The following EMCN variants were observed in gnomAD, a reference collection of about 807,000 sequenced individuals.
The protein encoded by EMCN is endomucin.
Under a neutral mutation model 38.4 loss-of-function variants are expected in EMCN, and 37 were observed. The observed-to-expected ratio is 0.96, with a 90% CI of 0.74 to 1.27. EMCN has a LOEUF of 1.27. Among genes scored for constraint, EMCN ranks in the 50% most tolerant of loss-of-function variants. EMCN has a pLI of 0.00. For synonymous variants in EMCN, 95 were observed against 100.8 expected (o/e 0.94, Z 0.35); for missense variants, 318 against 302.8 (o/e 1.05, Z -0.37).
At chr4:100,454,941 G>A (rs1727968402) in intron 4 of EMCN, among the ~76,000 whole-genome samples, 1 of 151,922 alleles carries the variant, frequency 6.6e-6, no homozygotes, top group Non-Finnish European at 1.5e-5. Context: ...CTTAAAGTAG[G>A]TTTTCTGAAT....
At chr4:100,415,766 C>T in intron 10 of EMCN, 132 bp downstream of exon 10, 2 of 596,792 alleles carry the variant, frequency 3.4e-6, no homozygotes, top group Non-Finnish European at 5.9e-6. Flanking sequence ...GAATTTTACA[C>T]TTATTGACAG....
In EMCN at chr4:100,397,410, A is replaced by G. The variant is rs1344755481; in HGVS notation, c.*1003T>C. ...TTTTAGAACAGTGATACAATGAAAA[A>G]TAATATCATAATTATGTATTTATAA... On this transcript the variant is annotated 3_prime_UTR_variant, in exon 12 of 12. Transcript: ENST00000296420. The G allele has an allele frequency of 2.0e-5, 3 of 152,216 alleles. No individual in the cohort carries two copies. The highest frequency in any genetic ancestry group is 4.4e-5 in the Non-Finnish European group (3 of 68,038). The allele number at this position is 152,216 out of a possible 1,614,324, so 9.4% of individuals were successfully genotyped here.
chr4:100,516,921 A>G (rs993666619), intron 1 of EMCN, among the ~76,000 whole-genome samples: 1 of 151,882 alleles, frequency 6.6e-6, no homozygotes, highest in Non-Finnish European at 1.5e-5. Flanking sequence ...CTTTTATGGT[A>G]GTTTGTTCTT....
At chr4:100,482,147 T>C (rs1728825245) in intron 1 of EMCN, among the ~76,000 whole-genome samples, 1 of 152,180 alleles carries the variant, frequency 6.6e-6, no homozygotes, top group Non-Finnish European at 1.5e-5. Flanking sequence ...GTGTTTTTCA[T>C]ACTGCAGGTT....
chr4:100,470,879 A>T (rs1166289514), intron 3 of EMCN, among the ~76,000 whole-genome samples: 1 of 151,962 alleles, frequency 6.6e-6, no homozygotes, highest in African/African-American at 2.4e-5. Flanking sequence ...AATCATAAAA[A>T]ATATTAGAAA....
At chr4:100,489,932 A>G (rs1457101347) in intron 1 of EMCN, among the ~76,000 whole-genome samples, 1 of 152,206 alleles carries the variant, frequency 6.6e-6, no homozygotes, top group Non-Finnish European at 1.5e-5. Flanking sequence ...TTTAGAGTGT[A>G]CATCTATTTA....
intron 1 of EMCN, chr4:100,486,809 G>A: frequency 1.0e-6 from 1 of 966,232 alleles, no homozygotes; most frequent in Non-Finnish European, 1.2e-6. Flanking sequence ...AACCTGAGAT[G>A]TCCTGGCTGA....
chr4:100,507,927 T>C (rs984651212), intron 1 of EMCN, among the ~76,000 whole-genome samples: 2 of 152,150 alleles, frequency 1.3e-5, no homozygotes, highest in African/African-American at 2.4e-5. Context: ...AGAATTGGCC[T>C]TTTACATGCA....
chr4:100,503,662 T>C (rs935660223), intron 1 of EMCN, among the ~76,000 whole-genome samples: 1 of 152,144 alleles, frequency 6.6e-6, no homozygotes, highest in Non-Finnish European at 1.5e-5. Flanking sequence ...CATTGCAGCC[T>C]TGACCTCCTG....
At chr4:100,441,780 C>T (rs1727525169) in intron 5 of EMCN, among the ~76,000 whole-genome samples, 1 of 152,000 alleles carries the variant, frequency 6.6e-6, no homozygotes, top group Non-Finnish European at 1.5e-5. Context: ...ATACATTTAC[C>T]TTTCCCCTCA....
intron 11 of EMCN, among the ~76,000 whole-genome samples, chr4:100,400,744 T>C (rs1726236081): frequency 6.6e-6 from 1 of 152,186 alleles, no homozygotes; most frequent in African/African-American, 2.4e-5. Flanking sequence ...CTGTTTCAAT[T>C]ATTTTCTCAA....
chr4:100,449,162 T>G (rs1274275152), intron 4 of EMCN, among the ~76,000 whole-genome samples: 2 of 152,070 alleles, frequency 1.3e-5, no homozygotes, highest in Non-Finnish European at 2.9e-5. Flanking sequence ...TATAAAAAAC[T>G]AATTCTACCT....
At chr4:100,399,605 C>T (rs529894735) in intron 11 of EMCN, among the ~76,000 whole-genome samples, 6 of 152,186 alleles carry the variant, frequency 3.9e-5, no homozygotes, top group Non-Finnish European at 7.4e-5. Flanking sequence ...GGCAGTCGAG[C>T]ACATGCCAGA....
intron 1 of EMCN, among the ~76,000 whole-genome samples, chr4:100,483,744 A>G (rs898553810): frequency 5.9e-5 from 9 of 152,196 alleles, no homozygotes; most frequent in Non-Finnish European, 1.3e-4. Flanking sequence ...AAGGTTTTGT[A>G]GACCATGATG....
At chr4:100,441,015 GA>G (rs1260744671) in intron 5 of EMCN, among the ~76,000 whole-genome samples, 1 of 151,970 alleles carries the variant, frequency 6.6e-6, no homozygotes, top group Non-Finnish European at 1.5e-5. Context: ...GTGAACCTGT[GA>G]GGCAGAGCTT....
intron 1 of EMCN, among the ~76,000 whole-genome samples, chr4:100,488,257 T>G (rs1408825664): frequency 6.6e-6 from 1 of 152,192 alleles, no homozygotes; most frequent in Non-Finnish European, 1.5e-5. Context: ...CATTTATACA[T>G]ATCAAGGGGA....
At chr4:100,500,037 G>C (rs1000949945) in intron 1 of EMCN, among the ~76,000 whole-genome samples, 1 of 152,150 alleles carries the variant, frequency 6.6e-6, no homozygotes, top group Non-Finnish European at 1.5e-5. Flanking sequence ...TTGTTCTAGA[G>C]ATGTGGGGAA....
intron 1 of EMCN, among the ~76,000 whole-genome samples, chr4:100,517,515 A>C (rs911238590): frequency 6.6e-6 from 1 of 152,120 alleles, no homozygotes; most frequent in African/African-American, 2.4e-5. Flanking sequence ...CTATGTCTGC[A>C]AAGAATACAT....
intron 11 of EMCN, among the ~76,000 whole-genome samples, chr4:100,407,131 G>A (rs1418617454): frequency 1.3e-5 from 2 of 152,028 alleles, no homozygotes; most frequent in Non-Finnish European, 2.9e-5. Flanking sequence ...ATGTGAGATT[G>A]GTCTCTTAAA....
Sources: gnomAD v4.1 joint callset for allele counts (sites outside exome capture counted in the v4.1 genomes callset) on GRCh38, gnomAD v4.1.1 for gene constraint, MANE v1.5 for transcripts, NCBI Gene and HGNC (gene_info 2026-07-23, HGNC 2026-07-21) for gene names.